XKR4: variants seen among roughly 807,000 people sequenced by gnomAD.
XKR4 encodes the protein XK-related protein 4.
A neutral mutation model predicts 53.9 loss-of-function variants in XKR4; 12 were observed. That is an observed-to-expected ratio of 0.22 (90% CI 0.14 to 0.36). The LOEUF (loss-of-function observed/expected upper bound fraction) is 0.36. Ranked by LOEUF, XKR4 falls within the 10% of genes least tolerant of loss-of-function variation. The pLI, the probability that XKR4 is intolerant of heterozygous loss-of-function variation, is 1.00. For synonymous variants in XKR4, 354 were observed against 362.4 expected (o/e 0.98, Z 0.26); for missense variants, 799 against 859.5 (o/e 0.93, Z 0.88).
chr8:55,359,301 C>A (rs1803865890), intron 2 of XKR4, among the ~76,000 whole-genome samples: 1 of 152,206 alleles, frequency 6.6e-6, no homozygotes, highest in Non-Finnish European at 1.5e-5. Context: ...TATAAAACCT[C>A]TCACAGCCAC....
chr8:55,450,561 A>G, intron 2 of XKR4: 1 of 711,952 alleles, frequency 1.4e-6, no homozygotes, highest in Non-Finnish European at 2.5e-6. Flanking sequence ...ACGTGGTGGT[A>G]GCCGAGGAAC....
Position 55,395,405 on chromosome 8 carries a change from G to T in XKR4, c.1006+37528G>T, listed in dbSNP as rs144034009. ...CCAGGAAAGGCATGACCATGAAGTA[G>T]AAAAGTGAGGAATTGATTGAGAAAT... On this transcript the variant is annotated intron_variant, in intron 2 of 2. Coordinates refer to ENST00000327381, the MANE Select transcript of XKR4 (RefSeq NM_052898.2). 5.6e-4 allele frequency among the ~76,000 whole-genome samples: 85 copies of T among 152,034 alleles called. 1 individual carries two copies. In the East Asian group the frequency reaches 0.014, roughly 24 times the overall value.
chr8:55,476,381 GGATATGGTTTTAATCA>G (rs2129400640), intron 2 of XKR4, among the ~76,000 whole-genome samples: 1 of 152,168 alleles, frequency 6.6e-6, no homozygotes, highest in South Asian at 2.1e-4. Context: ...GGCAGGAAAC[GGATATGGTTTTAATCA>G]GTGAAATTGC....
intron 1 of XKR4, among the ~76,000 whole-genome samples, chr8:55,277,656 A>C (rs927504093): frequency 6.6e-6 from 1 of 152,200 alleles, no homozygotes; most frequent in Admixed American, 6.5e-5. Flanking sequence ...TCGATGCTCA[A>C]AAACTCAGAT....
chr8:55,132,372 A>C (rs1014068473), intron 1 of XKR4, among the ~76,000 whole-genome samples: 1 of 152,258 alleles, frequency 6.6e-6, no homozygotes, highest in Non-Finnish European at 1.5e-5. Flanking sequence ...AAGTGTGGAT[A>C]GTACCAAACC....
intron 1 of XKR4, among the ~76,000 whole-genome samples, chr8:55,253,741 T>C (rs1359448203): frequency 1.3e-5 from 2 of 150,038 alleles, no homozygotes; most frequent in Non-Finnish European, 3.0e-5. Flanking sequence ...CTTTTTTTTT[T>C]TTTTTTTTTT....
intron 1 of XKR4, among the ~76,000 whole-genome samples, chr8:55,258,588 T>G (rs550072442): frequency 8.5e-5 from 13 of 152,202 alleles, no homozygotes; most frequent in African/African-American, 3.1e-4. Context: ...ATGGGAAAAA[T>G]TTCAGCAAAG....
intron 1 of XKR4, among the ~76,000 whole-genome samples, chr8:55,151,874 A>AATT (rs950248001): frequency 6.6e-6 from 1 of 152,192 alleles, no homozygotes; most frequent in Non-Finnish European, 1.5e-5. Flanking sequence ...TTATTTGACC[A>AATT]ATTTAGCCAT....
chr8:55,274,875 G>C (rs1440965231), intron 1 of XKR4, among the ~76,000 whole-genome samples: 1 of 152,098 alleles, frequency 6.6e-6, no homozygotes, highest in African/African-American at 2.4e-5. Flanking sequence ...GAAGTGGGGC[G>C]GATAGGCAAC....
At position 55,336,054 on chromosome 8, in the gene XKR4, A is replaced by G. The variant is rs531009512; in HGVS notation, c.807-21624A>G. ...GCAACTCTATACCAAAAAAAAAAAA[A>G]AAAAAGAAAAGAAAAACAGAGTACT... On this transcript the variant is annotated intron_variant, in intron 1 of 2. Transcript: ENST00000327381. Among the ~76,000 whole-genome samples the G allele has an allele frequency of 7.9e-5, 12 of 151,678 alleles. No homozygotes were observed. In the East Asian group the frequency reaches 1.9e-3, roughly 24 times the overall value.
intron 1 of XKR4, among the ~76,000 whole-genome samples, chr8:55,301,294 C>T (rs1388897818): frequency 6.6e-6 from 1 of 151,810 alleles, no homozygotes; most frequent in Non-Finnish European, 1.5e-5. Flanking sequence ...TGGTTTCCAG[C>T]TTCATCCATG....
At chr8:55,193,623 C>T (rs1163805675) in intron 1 of XKR4, among the ~76,000 whole-genome samples, 1 of 152,236 alleles carries the variant, frequency 6.6e-6, no homozygotes, top group Non-Finnish European at 1.5e-5. Context: ...GTTGTCCCCA[C>T]TGTCGGGGTT....
At chr8:55,335,804 G>T (rs1244279236) in intron 1 of XKR4, among the ~76,000 whole-genome samples, 2 of 148,884 alleles carry the variant, frequency 1.3e-5, no homozygotes, top group African/African-American at 5.0e-5. Flanking sequence ...TATGCCGAAT[G>T]AAAAAAATCT....
chr8:55,509,773 A>G (rs1046219413), intron 2 of XKR4, among the ~76,000 whole-genome samples: 5 of 152,214 alleles, frequency 3.3e-5, no homozygotes, highest in Non-Finnish European at 7.3e-5. Context: ...TCATCCTCTA[A>G]GAACCCTAGA....
intron 2 of XKR4, among the ~76,000 whole-genome samples, chr8:55,465,431 A>T (rs373201842): frequency 6.6e-6 from 1 of 151,874 alleles, no homozygotes; most frequent in Non-Finnish European, 1.5e-5. Context: ...CTGGCTAGCC[A>T]TATGTAGAAA....
intron 2 of XKR4, among the ~76,000 whole-genome samples, chr8:55,412,566 C>G (rs1804791623): frequency 6.6e-6 from 1 of 152,160 alleles, no homozygotes; most frequent in Admixed American, 6.5e-5. Context: ...TTCAGTCTTA[C>G]CAGGCCATGT....
At chr8:55,348,691 T>TAC (rs796321076) in intron 1 of XKR4, among the ~76,000 whole-genome samples, 4,495 of 136,142 alleles carry the variant, frequency 0.033, 105 homozygotes, top group Admixed American at 0.062. Context: ...CAGACAAACA[T>TAC]ACACACACAC....
intron 2 of XKR4, among the ~76,000 whole-genome samples, chr8:55,429,402 CA>C (rs574875793): frequency 1.9e-4 from 28 of 145,670 alleles, no homozygotes; most frequent in East Asian, 5.9e-4. Context: ...AGGTTGATAA[CA>C]AAAAAAAAAG....
At chr8:55,380,397 C>T (rs1563336735) in intron 2 of XKR4, among the ~76,000 whole-genome samples, 1 of 152,196 alleles carries the variant, frequency 6.6e-6, no homozygotes, top group Admixed American at 6.5e-5. Flanking sequence ...AAGACACTCT[C>T]ATAATAACCA....
Sources: allele counts gnomAD v4.1 joint callset (sites outside exome capture counted in the v4.1 genomes callset), GRCh38; gene constraint gnomAD v4.1.1; transcripts MANE v1.5; gene names NCBI Gene and HGNC (gene_info 2026-07-23, HGNC 2026-07-21).